DLGAP4: variants seen among roughly 807,000 people sequenced by gnomAD.
The protein encoded by DLGAP4 is DLG associated protein 4.
DLGAP4 carries 18 observed loss-of-function variants against 86.9 expected under a neutral mutation model. The ratio of observed to expected loss-of-function variants is 0.21; its 90% CI spans 0.14 to 0.31. The LOEUF (loss-of-function observed/expected upper bound fraction) is 0.31, where lower values mean the gene tolerates loss of function less well. Among genes scored for constraint, DLGAP4 ranks in the 10% least tolerant of loss-of-function variants. The probability of loss-of-function intolerance (pLI) is 1.00; values close to 1 mark genes in which losing one functional copy is unlikely to be tolerated. For missense variants in DLGAP4, 1,085 were observed against 1,362.6 expected (o/e 0.80, Z 3.21); for synonymous variants, 548 against 574.3 (o/e 0.95, Z 0.65).
Position 36,528,609 on chromosome 20 carries a change from G to A in DLGAP4, c.*1578G>A, listed in dbSNP as rs1206598864. On this transcript the variant is annotated 3_prime_UTR_variant, in exon 13 of 13. Transcript: ENST00000339266. ...CCCCTCCCTACCTCACAGGCATGTT[G>A]TGAGAATAAATGAGGTAACGTGTAC... 6.5e-6 allele frequency: 1 copy of A among 152,770 alleles called. No individual in the cohort carries two copies. The highest frequency in any genetic ancestry group is 2.4e-5 in the African/African-American group (1 of 41,472). 9.5% of individuals were successfully genotyped at this position (152,770 alleles called of 1,614,324 possible). A position where few individuals can be genotyped will look rare whatever the true frequency, so the allele number is the denominator to read the frequency against.
intron 7 of DLGAP4, among the ~76,000 whole-genome samples, chr20:36,489,735 G>A (rs1323190364): frequency 6.6e-6 from 1 of 152,124 alleles, no homozygotes; most frequent in Non-Finnish European, 1.5e-5. Flanking sequence ...GGATGGGAGG[G>A]GCCTGGCTGT....
intron 10 of DLGAP4, among the ~76,000 whole-genome samples, chr20:36,517,098 G>T (rs944210203): frequency 2.0e-5 from 3 of 151,080 alleles, no homozygotes; most frequent in Non-Finnish European, 4.4e-5. Context: ...GAAAGAAAAG[G>T]CTGGACGCAG....
chr20:36,448,057 A>T (rs2033645073), intron 7 of DLGAP4, among the ~76,000 whole-genome samples: 1 of 141,850 alleles, frequency 7.0e-6, no homozygotes, highest in African/African-American at 2.6e-5. Flanking sequence ...AAAAAAAAAA[A>T]GACGTAATAG....
chr20:36,467,155 A>G (rs1429703397), intron 7 of DLGAP4, among the ~76,000 whole-genome samples: 1 of 151,476 alleles, frequency 6.6e-6, no homozygotes, highest in Admixed American at 6.6e-5. Context: ...CTCTGCCCTG[A>G]GGAACTTATG....
chr20:36,438,028 C>T (rs1327432428), intron 4 of DLGAP4, among the ~76,000 whole-genome samples: 5 of 152,096 alleles, frequency 3.3e-5, no homozygotes, highest in Non-Finnish European at 7.4e-5. Context: ...CTCAGCATCC[C>T]GAGTAGCTGG....
intron 2 of DLGAP4, among the ~76,000 whole-genome samples, chr20:36,396,050 A>C (rs2031937654): frequency 2.0e-5 from 3 of 151,960 alleles, no homozygotes; most frequent in African/African-American, 4.8e-5. Flanking sequence ...ACCTGCACAC[A>C]CAGCAATCTT....
intron 1 of DLGAP4, among the ~76,000 whole-genome samples, chr20:36,333,319 G>T (rs2065289065): frequency 2.0e-5 from 3 of 152,128 alleles, no homozygotes; most frequent in Admixed American, 6.6e-5. Flanking sequence ...ATACTAAGAA[G>T]TTAATAGAGG....
intron 7 of DLGAP4, among the ~76,000 whole-genome samples, chr20:36,449,488 C>T (rs144565986): frequency 8.4e-4 from 128 of 152,314 alleles, no homozygotes; most frequent in Non-Finnish European, 1.5e-3. Context: ...CCCTGCCAGC[C>T]TCTCCACCTT....
intron 2 of DLGAP4, among the ~76,000 whole-genome samples, chr20:36,415,635 A>G (rs1318875953): frequency 6.6e-6 from 1 of 152,042 alleles, no homozygotes; most frequent in Non-Finnish European, 1.5e-5. Flanking sequence ...GGGCTCAGGG[A>G]GGTTAGGTAA....
chr20:36,470,289 ACT>A (rs2034604369), intron 7 of DLGAP4, among the ~76,000 whole-genome samples: 1 of 151,790 alleles, frequency 6.6e-6, no homozygotes, highest in South Asian at 2.1e-4. Flanking sequence ...CTTCCCTGGC[ACT>A]CTCCTCCACA....
chr20:36,407,312 C>G lies in DLGAP4; in HGVS notation c.-72-24334C>G, dbSNP rs2032352460. Among the ~76,000 whole-genome samples, 4 of 152,260 alleles carry G rather than the reference C, an allele frequency of 2.6e-5. No individual in the cohort carries two copies. The South Asian group carries it at 6.2e-4, about 24-fold the overall frequency. On this transcript the variant is annotated intron_variant, in intron 2 of 12. Coordinates refer to ENST00000339266, the MANE Select transcript of DLGAP4 (RefSeq NM_001365621.2). ...CCATGATTGCATCAGGGCTGGAGTA[C>G]AGTTGACCTTCAGTGAATGGTGTTC... is the stretch of plus-strand genomic sequence containing the variant.
In DLGAP4 at chr20:36,347,313, C is replaced by T. The variant is rs1211216639; in HGVS notation, c.-303-19732C>T. 1.9e-4 allele frequency among the ~76,000 whole-genome samples: 29 copies of T among 152,030 alleles called. 1 individual carries two copies. The highest frequency in any genetic ancestry group is 1.5e-5 in the Non-Finnish European group (1 of 68,004). ...CAGATTAGAAGCAAGGCTATTGGGG[C>T]TTAGAGGGAGGAAAGATGGATTCTT... is the stretch of plus-strand genomic sequence containing the variant. On this transcript the variant is annotated intron_variant, in intron 1 of 12. Transcript: ENST00000339266.
At chr20:36,315,190 A>G (rs956641433) in intron 1 of DLGAP4, among the ~76,000 whole-genome samples, 18,447 of 150,364 alleles carry the variant, frequency 0.12, 3,073 homozygotes, top group African/African-American at 0.38. Flanking sequence ...ATGTGTGTGT[A>G]TGCTGTGTGG....
At chr20:36,342,634 A>G (rs2065394888) in intron 1 of DLGAP4, among the ~76,000 whole-genome samples, 1 of 152,208 alleles carries the variant, frequency 6.6e-6, no homozygotes, top group African/African-American at 2.4e-5. Context: ...AAATGGGTCA[A>G]TGCAGGGCAG....
intron 10 of DLGAP4, among the ~76,000 whole-genome samples, chr20:36,513,542 G>A (rs909807935): frequency 1.9e-4 from 24 of 126,960 alleles, no homozygotes; most frequent in Middle Eastern, 5.7e-3. Flanking sequence ...GCGACAGAGC[G>A]AGACTCCGTC....
intron 1 of DLGAP4, among the ~76,000 whole-genome samples, chr20:36,337,327 G>A (rs2065332861): frequency 6.6e-6 from 1 of 152,032 alleles, no homozygotes; most frequent in Non-Finnish European, 1.5e-5. Flanking sequence ...GGCAGGCTGT[G>A]GAGGGGGATG....
intron 8 of DLGAP4, chr20:36,497,560 C>G (rs1215426359): frequency 1.0e-6 from 1 of 988,336 alleles, no homozygotes; most frequent in Non-Finnish European, 1.2e-6. Context: ...GGGGGTTGCT[C>G]GAGGGGAACT....
chr20:36,357,312 C>T (rs532719588), intron 1 of DLGAP4, among the ~76,000 whole-genome samples: 53 of 152,322 alleles, frequency 3.5e-4, no homozygotes, highest in African/African-American at 1.2e-3. Context: ...CAATGCCCTT[C>T]CCACTTTGCC....
chr20:36,387,782 T>A (rs368746604), intron 2 of DLGAP4, among the ~76,000 whole-genome samples: 6 of 152,200 alleles, frequency 3.9e-5, no homozygotes, highest in African/African-American at 1.4e-4. Flanking sequence ...TGAAATACCA[T>A]CTCTGTTTTA....
Sources: allele counts gnomAD v4.1 joint callset (sites outside exome capture counted in the v4.1 genomes callset), GRCh38; gene constraint gnomAD v4.1.1; transcripts MANE v1.5; gene names NCBI Gene and HGNC (gene_info 2026-07-23, HGNC 2026-07-21).